Variants in EXOC4 observed in about 807,000 individuals in gnomAD.
The protein encoded by EXOC4 is exocyst complex component 4.
EXOC4 carries 71 observed loss-of-function variants against 107.2 expected under a neutral mutation model. The observed-to-expected ratio is 0.66, with a 90% CI of 0.55 to 0.81. The LOEUF (loss-of-function observed/expected upper bound fraction) is 0.81. Among genes scored for constraint, EXOC4 ranks in the 30% least tolerant of loss-of-function variants. The pLI, the probability that EXOC4 is intolerant of heterozygous loss-of-function variation, is 0.00. For missense variants in EXOC4, 1,108 were observed against 1,189.6 expected, an observed-to-expected ratio of 0.93 and a Z score of 1.01; for synonymous variants, 456 against 441.2, an observed-to-expected ratio of 1.03 and a Z score of -0.42.
At chr7:134,099,388 C>G in the EXOC4 span, among the ~76,000 whole-genome samples, 1 of 152,078 alleles carries the variant, frequency 6.6e-6, no homozygotes, top group Non-Finnish European at 1.5e-5. Context: ...CGTCATGTGA[C>G]AGCTGTCCTG....
In EXOC4 at chr7:133,255,532, A is replaced by G. The variant is rs186988439; in HGVS notation, c.86+2345A>G. Among the ~76,000 whole-genome samples the G allele has an allele frequency of 4.6e-5, 7 of 152,300 alleles. No individual in the cohort carries two copies. In the East Asian group the frequency reaches 1.4e-3, roughly 29 times the overall value. ...GATCACTGCATAACACTTTTGTGATATAGTTTTTACAAGCATGGTGTAAGG... is the reference window on the plus strand; with the variant it reads ...GATCACTGCATAACACTTTTGTGATGTAGTTTTTACAAGCATGGTGTAAGG... On this transcript the variant is annotated intron_variant, in intron 1 of 17. Transcript: ENST00000253861.
At chr7:133,668,433 A>G (rs1292420117) in intron 10 of EXOC4, among the ~76,000 whole-genome samples, 1 of 152,190 alleles carries the variant, frequency 6.6e-6, no homozygotes, top group African/African-American at 2.4e-5. Flanking sequence ...TAGTTCATAC[A>G]TCTGATTCAC....
chr7:133,918,938 A>G (rs886593123), intron 13 of EXOC4, among the ~76,000 whole-genome samples: 1 of 152,222 alleles, frequency 6.6e-6, no homozygotes, highest in African/African-American at 2.4e-5. Context: ...CTGTGTTCTT[A>G]TCTCTCTCAA....
chr7:133,853,921 G>A (rs1253132535), intron 11 of EXOC4, among the ~76,000 whole-genome samples: 1 of 152,210 alleles, frequency 6.6e-6, no homozygotes, highest in East Asian at 1.9e-4. Context: ...TGTGGGCACA[G>A]AGTATTCACG....
At chr7:133,327,788 C>T (rs113833597) in intron 5 of EXOC4, among the ~76,000 whole-genome samples, 113 of 152,272 alleles carry the variant, frequency 7.4e-4, no homozygotes, top group East Asian at 3.9e-3. Context: ...TTTGATTGCA[C>T]TGTGGTCTGA....
chr7:133,497,683 C>T (rs982950515), intron 9 of EXOC4, among the ~76,000 whole-genome samples: 1 of 152,132 alleles, frequency 6.6e-6, no homozygotes, highest in African/African-American at 2.4e-5. Context: ...CCCACCTCAG[C>T]CTCCCAAAGT....
chr7:133,339,417 A>G (rs1309166370), intron 5 of EXOC4, among the ~76,000 whole-genome samples: 1 of 152,146 alleles, frequency 6.6e-6, no homozygotes, highest in Admixed American at 6.5e-5. Context: ...ATGGCTTTAC[A>G]GTATAGTTTG....
At chr7:133,679,423 T>C (rs1411179813) in intron 10 of EXOC4, among the ~76,000 whole-genome samples, 2 of 152,180 alleles carry the variant, frequency 1.3e-5, no homozygotes, top group Non-Finnish European at 2.9e-5. Flanking sequence ...GATGTTAATG[T>C]TCTGGAGGCC....
chr7:133,830,930 A>G (rs1797796390), intron 11 of EXOC4, among the ~76,000 whole-genome samples: 1 of 151,798 alleles, frequency 6.6e-6, no homozygotes, highest in Non-Finnish European at 1.5e-5. Context: ...TAGTTTTCTC[A>G]CTTTCCTTTC....
chr7:133,754,494 A>G (rs1585123201), intron 10 of EXOC4, among the ~76,000 whole-genome samples: 2 of 152,156 alleles, frequency 1.3e-5, no homozygotes, highest in African/African-American at 4.8e-5. Context: ...GTTGTTAAAT[A>G]AGAAGAGAAC....
intron 9 of EXOC4, among the ~76,000 whole-genome samples, chr7:133,594,491 G>GTTTTTT (rs1302445068): frequency 8.4e-5 from 2 of 23,670 alleles, no homozygotes; most frequent in African/African-American, 3.3e-4. Flanking sequence ...ATAAGCTTGA[G>GTTTTTT]TCTTTTTTTT....
intron 14 of EXOC4, among the ~76,000 whole-genome samples, chr7:133,989,044 T>C (rs1021579471): frequency 1.3e-5 from 2 of 152,144 alleles, no homozygotes; most frequent in Non-Finnish European, 2.9e-5. Context: ...CAGGTAACTA[T>C]TGCAGTAGTC....
At chr7:133,951,380 A>C (rs1161842405) in intron 14 of EXOC4, among the ~76,000 whole-genome samples, 1 of 152,254 alleles carries the variant, frequency 6.6e-6, no homozygotes, top group Non-Finnish European at 1.5e-5. Context: ...ACTAACGTAT[A>C]CACAACACCT....
chr7:133,480,252 T>G, intron 9 of EXOC4, 114 bp downstream of exon 9: 1 of 1,520,440 alleles, frequency 6.6e-7, no homozygotes, highest in Non-Finnish European at 8.8e-7. Flanking sequence ...AAACACTTAG[T>G]GACTTAATAA....
intron 6 of EXOC4, among the ~76,000 whole-genome samples, chr7:133,364,989 C>T (rs1344077786): frequency 6.6e-6 from 1 of 152,108 alleles, no homozygotes; most frequent in African/African-American, 2.4e-5. Flanking sequence ...TTTTGTTTGT[C>T]CTCAGAAGGA....
intron 6 of EXOC4, among the ~76,000 whole-genome samples, chr7:133,368,137 T>C (rs1796286646): frequency 6.6e-6 from 1 of 152,218 alleles, no homozygotes; most frequent in Non-Finnish European, 1.5e-5. Context: ...CAAAGAACCA[T>C]AAAATAGGGA....
intron 10 of EXOC4, among the ~76,000 whole-genome samples, chr7:133,720,799 G>T (rs1006860476): frequency 2.0e-5 from 3 of 152,144 alleles, no homozygotes; most frequent in Non-Finnish European, 4.4e-5. Flanking sequence ...ATTCCAGCAA[G>T]AGGATAGATA....
intron 9 of EXOC4, among the ~76,000 whole-genome samples, chr7:133,503,809 TTA>T (rs1799619120): frequency 6.6e-6 from 1 of 152,032 alleles, no homozygotes; most frequent in African/African-American, 2.4e-5. Context: ...CCTATGTGTG[TTA>T]TGTGTTGGGT....
intron 9 of EXOC4, among the ~76,000 whole-genome samples, chr7:133,481,305 T>C (rs892888525): frequency 6.6e-6 from 1 of 152,106 alleles, no homozygotes. Context: ...GATAAATTGC[T>C]AGAGAAATTA....
Sources: allele counts gnomAD v4.1 joint callset (sites outside exome capture counted in the v4.1 genomes callset), GRCh38; gene constraint gnomAD v4.1.1; transcripts MANE v1.5; gene names NCBI Gene and HGNC (gene_info 2026-07-23, HGNC 2026-07-21).